The following EMC2 variants were observed in gnomAD, a reference collection of about 807,000 sequenced individuals.
EMC2 encodes ER membrane protein complex subunit 2, also known as TPR repeat protein 35.
A neutral mutation model predicts 51.6 loss-of-function variants in EMC2; 37 were observed. The observed-to-expected ratio is 0.72, with a 90% CI of 0.55 to 0.94. The LOEUF (loss-of-function observed/expected upper bound fraction) is 0.94, where lower values mean the gene tolerates loss of function less well. Among genes scored for constraint, EMC2 ranks in the 40% least tolerant of loss-of-function variants. EMC2 has a pLI of 0.00. For synonymous variants in EMC2, 131 were observed against 112.4 expected (o/e 1.17, Z -1.04); for missense variants, 359 against 350.9 (o/e 1.02, Z -0.18).
rs1563705724 is a variant in EMC2 at position 108,487,313 on chromosome 8, C to T, written c.*715C>T. 6.6e-6 allele frequency among the ~76,000 whole-genome samples: 1 copy of T among 151,526 alleles called. No homozygotes were observed. The highest frequency in any genetic ancestry group is 2.1e-4 in the South Asian group (1 of 4,800). On this transcript the variant is annotated 3_prime_UTR_variant, in exon 11 of 11. Transcript: ENST00000220853. ...TATTGAATCCTTTAATAGTAAATTA[C>T]ATGAAAGAATATTAAAGAATCATAA...
chr8:108,448,630 C>T (rs1468939121), intron 1 of EMC2, among the ~76,000 whole-genome samples: 1 of 152,140 alleles, frequency 6.6e-6, no homozygotes, highest in Non-Finnish European at 1.5e-5. Flanking sequence ...GAGGCCTCCC[C>T]AGCCACGTGG....
rs949514149 is a variant in EMC2 at position 108,443,762 on chromosome 8, C to A, written c.40+64C>A. 8 of 1,436,690 alleles carry A rather than the reference C, an allele frequency of 5.6e-6. No individual in the cohort carries two copies. In the African/African-American group the frequency reaches 5.6e-5, roughly 10 times the overall value. The allele number at this position is 1,436,690 out of a possible 1,614,324, so 89.0% of individuals were successfully genotyped here. A position where few individuals can be genotyped will look rare whatever the true frequency, so the allele number is the denominator to read the frequency against. On this transcript the variant is annotated intron_variant, in intron 1 of 10. Coordinates refer to ENST00000220853, the MANE Select transcript of EMC2 (RefSeq NM_014673.5). ...CGCTGGGAAGCCGTTCGGGAGTACC[C>A]GCTGCTTTCGGGGAGCTGGGTTCTC...
intron 5 of EMC2, among the ~76,000 whole-genome samples, chr8:108,461,787 G>C (rs185961164): frequency 2.6e-5 from 4 of 151,998 alleles, no homozygotes; most frequent in African/African-American, 9.7e-5. Context: ...AAATAAGTCT[G>C]TTCCTCTATC....
At chr8:108,445,346 T>C (rs1246846682) in intron 1 of EMC2, among the ~76,000 whole-genome samples, 2 of 152,232 alleles carry the variant, frequency 1.3e-5, no homozygotes, top group African/African-American at 4.8e-5. Flanking sequence ...TCCAGCTTTA[T>C]CTTGAGCCCT....
At chr8:108,483,262 A>C (rs1811078643) in intron 10 of EMC2, among the ~76,000 whole-genome samples, 2 of 152,146 alleles carry the variant, frequency 1.3e-5, no homozygotes, top group African/African-American at 4.8e-5. Context: ...ATTTACATGT[A>C]ATCAAGTGCA....
intron 9 of EMC2, among the ~76,000 whole-genome samples, chr8:108,478,429 T>A (rs1005813386): frequency 2.8e-4 from 43 of 152,074 alleles, no homozygotes; most frequent in African/African-American, 1.0e-3. Flanking sequence ...CATGGTATAG[T>A]GAAAAGAGAA....
intron 5 of EMC2, among the ~76,000 whole-genome samples, chr8:108,456,846 C>T (rs13263253): frequency 0.023 from 3,523 of 152,178 alleles, 53 homozygotes; most frequent in South Asian, 0.046. Flanking sequence ...ATTATTTCCA[C>T]GCACACATAT....
rs897102807 is a variant in EMC2, at chr8:108,486,743, A to G, written c.*145A>G. On this transcript the variant is annotated 3_prime_UTR_variant, in exon 11 of 11. Coordinates refer to ENST00000220853, the MANE Select transcript of EMC2 (RefSeq NM_014673.5). ...GCAGTTGTAAAGAATGTGTTTATATAAACCTAAAAATGCCTTTTACTGCTA... is the reference window on the plus strand; with the variant it reads ...GCAGTTGTAAAGAATGTGTTTATATGAACCTAAAAATGCCTTTTACTGCTA... 4 of 829,124 alleles carry G rather than the reference A, an allele frequency of 4.8e-6. No individual in the cohort carries two copies. Among genetic ancestry groups the G allele is most frequent in the Non-Finnish European group, 6.9e-6 (4 of 579,454 alleles). 51.4% of individuals were successfully genotyped at this position (829,124 alleles called of 1,614,324 possible). A position where few individuals can be genotyped will look rare whatever the true frequency, so the allele number is the denominator to read the frequency against.
At chr8:108,462,627 C>A (rs947047948) in intron 5 of EMC2, among the ~76,000 whole-genome samples, 4 of 152,178 alleles carry the variant, frequency 2.6e-5, no homozygotes, top group Non-Finnish European at 5.9e-5. Context: ...TCCCCATATC[C>A]TGCCACGTGG....
chr8:108,459,174 A>G (rs1490280080), intron 5 of EMC2, among the ~76,000 whole-genome samples: 1 of 152,184 alleles, frequency 6.6e-6, no homozygotes, highest in Non-Finnish European at 1.5e-5. Flanking sequence ...ATTTTGGGCA[A>G]AACCATTCAA....
intron 4 of EMC2, among the ~76,000 whole-genome samples, chr8:108,454,121 G>A (rs1433632329): frequency 6.6e-6 from 1 of 152,046 alleles, no homozygotes; most frequent in Non-Finnish European, 1.5e-5. Flanking sequence ...AGGGTTTTGT[G>A]TAGACAGCAT....
chr8:108,472,181 T>G (rs761113253), intron 7 of EMC2, among the ~76,000 whole-genome samples: 21 of 152,052 alleles, frequency 1.4e-4, no homozygotes, highest in Non-Finnish European at 2.4e-4. Flanking sequence ...ATATCACCTT[T>G]TCCCCCTACT....
At chr8:108,462,107 A>G (rs1191274365) in intron 5 of EMC2, among the ~76,000 whole-genome samples, 1 of 152,110 alleles carries the variant, frequency 6.6e-6, no homozygotes, top group Non-Finnish European at 1.5e-5. Flanking sequence ...GCGCCCGGCC[A>G]GGCAAGCACT....
Position 108,452,425 on chromosome 8 carries a change from G to T in EMC2, c.220-637G>T, listed in dbSNP as rs145734895. ...CTACTAAAAATACAAAAATGAGCTG[G>T]GTGTGGTGACAGGCGCCTGTAGTCC... On this transcript the variant is annotated intron_variant, in intron 3 of 10. Transcript: ENST00000220853. 5.9e-5 allele frequency among the ~76,000 whole-genome samples: 9 copies of T among 152,216 alleles called. No individual in the cohort carries two copies. In the East Asian group the frequency reaches 1.7e-3, roughly 29 times the overall value.
At chr8:108,479,407 C>T (rs1811006674) in intron 10 of EMC2, among the ~76,000 whole-genome samples, 1 of 151,994 alleles carries the variant, frequency 6.6e-6, no homozygotes, top group Admixed American at 6.6e-5. Flanking sequence ...ATAAATATCA[C>T]GTCACATTTC....
chr8:108,446,261 G>T, intron 1 of EMC2: 1 of 409,942 alleles, frequency 2.4e-6, no homozygotes. Context: ...GTGGAATAAT[G>T]AAGTATAGTT....
At chr8:108,470,578 A>T (rs550996644) in intron 7 of EMC2, among the ~76,000 whole-genome samples, 2 of 152,274 alleles carry the variant, frequency 1.3e-5, no homozygotes, top group Admixed American at 6.5e-5. Flanking sequence ...AAGTAGAAGC[A>T]TTCTGTTGCC....
At chr8:108,446,862 G>A (rs115426910) in intron 1 of EMC2, among the ~76,000 whole-genome samples, 1,583 of 152,274 alleles carry the variant, frequency 0.01, 37 homozygotes, top group African/African-American at 0.037. Flanking sequence ...GGCAGGGTCA[G>A]CTATGTAAGG....
In EMC2 at chr8:108,466,700, C is replaced by T. The variant is rs541988533; in HGVS notation, c.364-3126C>T. 1.1e-4 allele frequency among the ~76,000 whole-genome samples: 16 copies of T among 152,124 alleles called. No homozygotes were observed. The South Asian group carries it at 3.1e-3, about 30-fold the overall frequency. ...AACTCCTGGGTTCAGATGATCCTCC[C>T]GCTTTGGCCTTCCAAAGTGTTGGGA... On this transcript the variant is annotated intron_variant, in intron 5 of 10. Transcript: ENST00000220853.
Sources: gnomAD v4.1 joint callset for allele counts (sites outside exome capture counted in the v4.1 genomes callset) on GRCh38, gnomAD v4.1.1 for gene constraint, MANE v1.5 for transcripts, NCBI Gene and HGNC (gene_info 2026-07-23, HGNC 2026-07-21) for gene names.